Variants in DEPDC1 observed in about 807,000 individuals in gnomAD.
DEPDC1 encodes DEP domain containing 1.
In DEPDC1, 66 loss-of-function variants were observed where a neutral mutation model predicts 86.8. The observed-to-expected ratio is 0.76, with a 90% CI of 0.62 to 0.93. The LOEUF (loss-of-function observed/expected upper bound fraction) is 0.93, where lower values mean the gene tolerates loss of function less well. Ranked by LOEUF, DEPDC1 falls within the 40% of genes least tolerant of loss-of-function variation. The probability of loss-of-function intolerance (pLI) is 0.00; values close to 1 mark genes in which losing one functional copy is unlikely to be tolerated. For missense variants in DEPDC1, 792 were observed against 935.7 expected, an observed-to-expected ratio of 0.85 and a Z score of 2.00; for synonymous variants, 255 against 314.9, an observed-to-expected ratio of 0.81 and a Z score of 2.02.
At chr1:68,480,252 C>CCACACA (rs72099346) in intron 9 of DEPDC1, among the ~76,000 whole-genome samples, 19 of 145,420 alleles carry the variant, frequency 1.3e-4, no homozygotes, top group East Asian at 2.2e-4. Context: ...TCTAACTGTA[C>CCACACA]CACACACACA....
At chr1:68,493,681 A>G (rs1646243684) in intron 2 of DEPDC1, among the ~76,000 whole-genome samples, 1 of 152,186 alleles carries the variant, frequency 6.6e-6, no homozygotes, top group South Asian at 2.1e-4. Flanking sequence ...TAACTGCTTA[A>G]TAAATATTCT....
chr1:68,492,711 T>C (rs985942642), intron 2 of DEPDC1, among the ~76,000 whole-genome samples: 73 of 151,724 alleles, frequency 4.8e-4, no homozygotes, highest in African/African-American at 1.7e-3. Flanking sequence ...GCAAAACAAA[T>C]AAAGAGAAAT....
At position 68,482,214 on chromosome 1, in the gene DEPDC1, T is replaced by C. The variant is rs1557617952; in HGVS notation, c.1594A>G (p.Ile532Val). 6.2e-7 allele frequency: 1 copy of C among 1,612,950 alleles called. No homozygotes were observed. The highest frequency in any genetic ancestry group is 8.5e-7 in the Non-Finnish European group (1 of 1,179,238). Reference protein sequence around the residue: ...NSYINTPVAEIIMKPNVGQGS... With the variant: ...NSYINTPVAEVIMKPNVGQGS... ...TGTCCAACATTTGGTTTCATGATAATTTCAGCCACTGGTGTATTGATATAA... is the reference window on the plus strand; with the variant it reads ...TGTCCAACATTTGGTTTCATGATAACTTCAGCCACTGGTGTATTGATATAA... The change falls in exon 8 of 12, where the codon ATT (isoleucine) becomes GTT (valine). Residue 532 changes from isoleucine (I) to valine (V), a missense_variant. Physicochemically the swap from Ile to Val is conservative, Grantham distance 29. Coordinates refer to ENST00000456315, the MANE Select transcript of DEPDC1 (RefSeq NM_001114120.3).
chr1:68,475,826 T>C lies in DEPDC1; in HGVS notation c.*1106A>G, dbSNP rs1244656065. On this transcript the variant is annotated 3_prime_UTR_variant, in exon 12 of 12. Coordinates refer to ENST00000456315, the MANE Select transcript of DEPDC1 (RefSeq NM_001114120.3). The stretch of plus-strand genomic sequence containing the variant: ...ATCTTGACACTTATAAAAATGTTTA[T>C]AAAAAGCATTTAGGCCATTGATTCT... The C allele has an allele frequency of 2.0e-5, 3 of 151,874 alleles. No individual in the cohort carries two copies. The highest frequency in any genetic ancestry group is 6.6e-5 in the Admixed American group (1 of 15,216). 9.4% of individuals were successfully genotyped at this position (151,874 alleles called of 1,614,324 possible). A position where few individuals can be genotyped will look rare whatever the true frequency, so the allele number is the denominator to read the frequency against.
rs202040488 is a variant in DEPDC1 at position 68,484,054 on chromosome 1, A to G, written c.806T>C (p.Val269Ala). ...RSNDMNNPTY[V>A]GFERDVFRTI... ...TCTGAATACATCTCGTTCAAATCCA[A>G]CATAAGTTGGATTATTCATATCATT... Residue 269 changes from valine (V) to alanine (A), a missense_variant, in exon 7 of 12, where the codon GTT becomes GCT. Physicochemically the swap from Val to Ala is moderately conservative, Grantham distance 64. Coordinates refer to ENST00000456315, the MANE Select transcript of DEPDC1 (RefSeq NM_001114120.3). 2 of 1,585,752 alleles carry G rather than the reference A, an allele frequency of 1.3e-6. No homozygotes were observed. Among genetic ancestry groups the G allele is most frequent in the Non-Finnish European group, 1.7e-6 (2 of 1,169,458 alleles).
chr1:68,494,162 A>G (rs1398867507), intron 2 of DEPDC1, among the ~76,000 whole-genome samples: 1 of 152,228 alleles, frequency 6.6e-6, no homozygotes, highest in Non-Finnish European at 1.5e-5. Context: ...TAAAGTGTTC[A>G]GAATATGCGG....
intron 5 of DEPDC1, among the ~76,000 whole-genome samples, chr1:68,487,255 T>G (rs1646199091): frequency 6.6e-6 from 1 of 151,980 alleles, no homozygotes; most frequent in South Asian, 2.1e-4. Context: ...ACTGCCAAAT[T>G]GAGGATTATT....
chr1:68,483,898 A>T lies in DEPDC1; in HGVS notation c.910+52T>A, dbSNP rs1646174673. ...GGTTTTAGATCTTCTAAATTATAAG[A>T]AAGTTGAAAACTTTAACAAAATGAA... On this transcript the variant is annotated intron_variant, in intron 7 of 11. Transcript: ENST00000456315. 6 of 1,169,092 alleles carry T rather than the reference A, an allele frequency of 5.1e-6. No individual in the cohort carries two copies. The Admixed American group carries it at 1.7e-4, about 33-fold the overall frequency. The allele number at this position is 1,169,092 out of a possible 1,614,324, so 72.4% of individuals were successfully genotyped here. A position where few individuals can be genotyped will look rare whatever the true frequency, so the allele number is the denominator to read the frequency against.
intron 2 of DEPDC1, among the ~76,000 whole-genome samples, chr1:68,489,858 G>A (rs1451390911): frequency 6.6e-6 from 1 of 151,830 alleles, no homozygotes; most frequent in Admixed American, 6.6e-5. Context: ...TTCTGGTAGA[G>A]GGGTATTGCT....
chr1:68,494,653 T>A lies in DEPDC1; in HGVS notation c.91A>T (p.Arg31Ter), dbSNP rs375248405. 1.9e-6 allele frequency: 3 copies of A among 1,613,726 alleles called. No homozygotes were observed. Among genetic ancestry groups the A allele is most frequent in the Non-Finnish European group, 2.5e-6 (3 of 1,179,680 alleles). The change falls in exon 2 of 12, where the codon AGA (arginine) becomes TGA (stop). Residue 31 changes from arginine (R) to a stop codon, truncating the protein, a stop_gained. Transcript: ENST00000456315. LOFTEE classifies it high-confidence loss of function. ...TTTTTAAAGTGTTGTCTGTGTTTTCTTAGAGGCATTCCTGCTCGAAAAGAT... is the reference window on the plus strand; with the variant it reads ...TTTTTAAAGTGTTGTCTGTGTTTTCATAGAGGCATTCCTGCTCGAAAAGAT... ...TTSFRAGMPL[R>*]KHRQHFKKYG...
At position 68,489,501 on chromosome 1, in the gene DEPDC1, C is replaced by A; in HGVS notation, c.422G>T (p.Arg141Leu). ...TTTAGGAGTTCTACGAGATAAGTTT[C>A]GTAATTTAAAAATGCTATCTTTATC... ...SKDKDSIFKL[R>L]NLSRRTPKRH... Residue 141 changes from arginine (R) to leucine (L), a missense_variant, in exon 3 of 12, where the codon CGA (arginine) becomes CTA (leucine). Physicochemically the swap from Arg to Leu is moderately radical, Grantham distance 102 (BLOSUM62 -2). Coordinates refer to ENST00000456315, the MANE Select transcript of DEPDC1 (RefSeq NM_001114120.3). The A allele has an allele frequency of 6.5e-7, 1 of 1,533,914 alleles. No homozygotes were observed. The highest frequency in any genetic ancestry group is 1.3e-5 in the South Asian group (1 of 76,028).
intron 6 of DEPDC1, 108 bp from the exon 7 acceptor site, chr1:68,484,198 C>A: frequency 1.2e-6 from 1 of 807,944 alleles, no homozygotes. Context: ...CTAGGTTTAA[C>A]AACAAATTCT....
intron 4 of DEPDC1, 42 bp from the exon 5 acceptor site, chr1:68,488,546 A>G: frequency 6.6e-7 from 1 of 1,507,568 alleles, no homozygotes; most frequent in Non-Finnish European, 9.1e-7. Context: ...CTTCATAAAT[A>G]GATTATACAT....
intron 2 of DEPDC1, among the ~76,000 whole-genome samples, chr1:68,491,880 G>A (rs1392097491): frequency 6.6e-6 from 1 of 151,240 alleles, no homozygotes; most frequent in East Asian, 1.9e-4. Flanking sequence ...CTCCCAAGTA[G>A]ATGAGACCAC....
chr1:68,494,170 C>T (rs960579703), intron 2 of DEPDC1, among the ~76,000 whole-genome samples: 2 of 152,116 alleles, frequency 1.3e-5, no homozygotes, highest in Admixed American at 1.3e-4. Flanking sequence ...TCAGAATATG[C>T]GGAAGTGATA....
chr1:68,486,881 A>AACACACAC (rs55915411), intron 6 of DEPDC1, 56 bp downstream of exon 6: 79 of 1,177,412 alleles, frequency 6.7e-5, no homozygotes, highest in South Asian at 4.0e-4. Context: ...CTATCAATAT[A>AACACACAC]ACACACACAC....
chr1:68,481,978 G>C (rs1362170678), intron 8 of DEPDC1, 68 bp downstream of exon 8: 48 of 1,428,512 alleles, frequency 3.4e-5, no homozygotes, highest in Non-Finnish European at 4.4e-5. Context: ...GAAAAGCCAG[G>C]TAAGCAAAAC....
intron 10 of DEPDC1, among the ~76,000 whole-genome samples, chr1:68,478,841 G>A (rs17097401): frequency 0.074 from 11,213 of 151,960 alleles, 538 homozygotes; most frequent in African/African-American, 0.14. Flanking sequence ...AATTGGAGAC[G>A]GAGGAATGGC....
intron 5 of DEPDC1, among the ~76,000 whole-genome samples, chr1:68,487,245 A>G (rs1333458093): frequency 6.6e-6 from 1 of 152,010 alleles, no homozygotes; most frequent in Non-Finnish European, 1.5e-5. Flanking sequence ...ACAATTAAAT[A>G]CTGCCAAATT....
Sources: allele counts gnomAD v4.1 joint callset (sites outside exome capture counted in the v4.1 genomes callset), GRCh38; gene constraint gnomAD v4.1.1; transcripts MANE v1.5; gene names NCBI Gene and HGNC (gene_info 2026-07-23, HGNC 2026-07-21).